SNAPC4: variants seen among roughly 807,000 people sequenced by gnomAD.
SNAPC4 encodes the protein small nuclear RNA activating complex polypeptide 4.
Under a neutral mutation model 151.3 loss-of-function variants are expected in SNAPC4, and 127 were observed. The observed-to-expected ratio is 0.84, with a 90% CI of 0.73 to 0.97. The LOEUF (loss-of-function observed/expected upper bound fraction) is 0.97, where lower values mean the gene tolerates loss of function less well. Among genes scored for constraint, SNAPC4 ranks in the 50% least tolerant of loss-of-function variants. SNAPC4 has a pLI of 0.00. For synonymous variants in SNAPC4, 1,002 were observed against 824.4 expected, an observed-to-expected ratio of 1.22 and a Z score of -3.69; for missense variants, 2,186 against 1,935.0, an observed-to-expected ratio of 1.13 and a Z score of -2.43.
At position 136,397,102 on chromosome 9, in the gene SNAPC4, G is replaced by C. The variant is rs1048865201; in HGVS notation, c.131-79C>G. On this transcript the variant is annotated intron_variant, in intron 2 of 23. Coordinates refer to ENST00000684778, the MANE Select transcript of SNAPC4 (RefSeq NM_003086.4). ...GGGGCGCAGCTCACCACTGCTTCTT[G>C]GGCAGACCTGGGGTTGTGAGGTAGT... The C allele has an allele frequency of 1.7e-5, 21 of 1,234,276 alleles. No homozygotes were observed. The African/African-American group carries it at 2.4e-4, about 14-fold the overall frequency. 76.5% of individuals were successfully genotyped at this position (1,234,276 alleles called of 1,614,324 possible). A position where few individuals can be genotyped will look rare whatever the true frequency, so the allele number is the denominator to read the frequency against.
intron 1 of SNAPC4, among the ~76,000 whole-genome samples, chr9:136,399,575 G>A (rs1374267538): frequency 6.6e-6 from 1 of 152,164 alleles, no homozygotes; most frequent in Non-Finnish European, 1.5e-5. Context: ...TGACATCAGG[G>A]GCTGTCCCTC....
chr9:136,394,976 C>T (rs1834211409), intron 5 of SNAPC4, 98 bp from the exon 6 acceptor site: 1 of 1,081,718 alleles, frequency 9.2e-7, no homozygotes, highest in African/African-American at 1.6e-5. Flanking sequence ...TCGGGCTCCC[C>T]CTGCCTCCTG....
At position 136,394,809 on chromosome 9, in the gene SNAPC4, C is replaced by T; in HGVS notation, c.541G>A (p.Val181Met). The stretch of plus-strand genomic sequence containing the variant: ...CGGCCAGGGCTCTTACATTTGGTCA[C>T]AAGGAGCTCCTCGAAAGCCTTGATC... ...QGIKAFEELL[V>M]TKWKNWEKAL... Residue 181 changes from valine (V) to methionine (M), a missense_variant, in exon 6 of 24, where the codon GTG becomes ATG. Transcript: ENST00000684778. The T allele has an allele frequency of 6.2e-7, 1 of 1,613,870 alleles. No individual in the cohort carries two copies.
chr9:136,380,662 G>T, intron 20 of SNAPC4, 78 bp downstream of exon 20: 1 of 802,982 alleles, frequency 1.2e-6, no homozygotes, highest in Non-Finnish European at 2.1e-6. Context: ...GGGGCGGGCA[G>T]CCAGCCTCCG....
At position 136,378,322 on chromosome 9, in the gene SNAPC4, C is replaced by T; in HGVS notation, c.3505G>A (p.Gly1169Ser). ...TCTCCAGGGACAAAGGCCACACTGC[C>T]ATCCGCTTCTGCAGGACTTTGGGAG... ...ALSQSPAEAD[G>S]SVAFVPGEAQ... The change falls in exon 22 of 24, where the codon GGC (glycine) becomes AGC (serine). Residue 1169 changes from glycine to serine, a missense_variant. By Grantham distance (56) the Gly-to-Ser change is moderately conservative. Coordinates refer to ENST00000684778, the MANE Select transcript of SNAPC4 (RefSeq NM_003086.4). The T allele has an allele frequency of 6.2e-7, 1 of 1,604,820 alleles. No homozygotes were observed. Among genetic ancestry groups the T allele is most frequent in the East Asian group, 2.2e-5 (1 of 44,658 alleles).
chr9:136,396,999 T>A lies in SNAPC4; in HGVS notation c.155A>T (p.Asp52Val). ...TACCGAGATCGGGGGATCGGCAGGATCCAAGTCCTCAGAAGGCAGTGAATC... is the reference window on the plus strand; with the variant it reads ...TACCGAGATCGGGGGATCGGCAGGAACCAAGTCCTCAGAAGGCAGTGAATC... ...EADSLPSEDL[D>V]PADPPISEEE... The change falls in exon 3 of 24, where the codon GAT becomes GTT. Residue 52 changes from aspartate (D) to valine (V), a missense_variant. Asp to Val is a radical substitution (Grantham distance 152, BLOSUM62 -3). Coordinates refer to ENST00000684778, the MANE Select transcript of SNAPC4 (RefSeq NM_003086.4). The A allele has an allele frequency of 6.2e-7, 1 of 1,612,734 alleles. No individual in the cohort carries two copies. Among genetic ancestry groups the A allele is most frequent in the South Asian group, 1.1e-5 (1 of 91,064 alleles).
chr9:136,393,898 T>C (rs973722140), intron 7 of SNAPC4, among the ~76,000 whole-genome samples: 1 of 152,218 alleles, frequency 6.6e-6, no homozygotes, highest in African/African-American at 2.4e-5. Flanking sequence ...AGCCTTGGCT[T>C]TTCCTGTTGG....
Position 136,384,708 on chromosome 9 carries a change from T to A in SNAPC4, c.1420+12A>T, listed in dbSNP as rs537424563. On this transcript the variant is annotated intron_variant, in intron 14 of 23. Coordinates refer to ENST00000684778, the MANE Select transcript of SNAPC4 (RefSeq NM_003086.4). Reference sequence around the variant, plus strand: ...AAAAAGAAACTAGAAGAACAAACTGTCAGCAACTTACCGACACCATATTTT... The same window carrying A: ...AAAAAGAAACTAGAAGAACAAACTGACAGCAACTTACCGACACCATATTTT... 3.1e-6 allele frequency: 4 copies of A among 1,301,588 alleles called. No homozygotes were observed. In the South Asian group the frequency reaches 5.1e-5, roughly 16 times the overall value. 80.6% of individuals were successfully genotyped at this position (1,301,588 alleles called of 1,614,324 possible). A position where few individuals can be genotyped will look rare whatever the true frequency, so the allele number is the denominator to read the frequency against.
At chr9:136,395,277 A>T in intron 5 of SNAPC4, 21 bp downstream of exon 5, 1 of 1,610,254 alleles carries the variant, frequency 6.2e-7, no homozygotes, top group Non-Finnish European at 8.5e-7. Flanking sequence ...TGCCGACAAG[A>T]GCAGGGCCTC....
At position 136,377,919 on chromosome 9, in the gene SNAPC4, T is replaced by TA; in HGVS notation, c.3907dup (p.Tyr1303LeufsTer36). 6.2e-7 allele frequency: 1 copy of TA among 1,610,004 alleles called. No individual in the cohort carries two copies. The highest frequency in any genetic ancestry group is 8.5e-7 in the Non-Finnish European group (1 of 1,179,080). ...CAGGCTGCACAGGGCTGGGGGCTGA[T>TA]AGGGCAGTCTGCTGCCCAGAAGAGG... On this transcript the variant is annotated frameshift_variant, in exon 22 of 24. Coordinates refer to ENST00000684778, the MANE Select transcript of SNAPC4 (RefSeq NM_003086.4). LOFTEE classifies it high-confidence loss of function.
chr9:136,397,322 T>G (rs1241808820), intron 2 of SNAPC4, among the ~76,000 whole-genome samples: 1 of 151,850 alleles, frequency 6.6e-6, no homozygotes, highest in Non-Finnish European at 1.5e-5. Context: ...ACAGGGAAAG[T>G]TTAGCAGAAA....
At chr9:136,396,932 G>A (rs1265893965) in intron 3 of SNAPC4, 45 bp downstream of exon 3, 4 of 1,567,230 alleles carry the variant, frequency 2.6e-6, no homozygotes, top group Non-Finnish European at 3.5e-6. Flanking sequence ...GGAAGGTGGT[G>A]GCAGGCCTGA....
At chr9:136,395,523 C>A (rs925148923) in intron 4 of SNAPC4, 80 bp downstream of exon 4, 9 of 1,566,752 alleles carry the variant, frequency 5.7e-6, no homozygotes, top group Non-Finnish European at 7.8e-6. Flanking sequence ...AGCTGGGGAG[C>A]CCTGGACCTG....
rs762483291 is a variant in SNAPC4 at position 136,377,728 on chromosome 9, G to A, written c.4099C>T (p.Arg1367Trp). Residue 1367 changes from arginine (R) to tryptophan (W), a missense_variant, in exon 22 of 24, where the codon CGG becomes TGG. Transcript: ENST00000684778. ...GGGAGGGTGAAGGCTGCCAGGAACC[G>A]CGCCCGCAACAGGAGGTAGGCCGGG... ...DNPAYLLLRA[R>W]FLAAFTLPAL... 34 of 1,609,308 alleles carry A rather than the reference G, an allele frequency of 2.1e-5. No homozygotes were observed. The highest frequency in any genetic ancestry group is 2.7e-5 in the Non-Finnish European group (32 of 1,177,658).
In SNAPC4 at chr9:136,376,257, A is replaced by G. The variant is rs116439167; in HGVS notation, c.*7+92T>C. 2.7e-6 allele frequency: 4 copies of G among 1,489,824 alleles called. No homozygotes were observed. In the East Asian group the frequency reaches 6.9e-5, roughly 26 times the overall value. The allele number at this position is 1,489,824 out of a possible 1,614,324, so 92.3% of individuals were successfully genotyped here. On this transcript the variant is annotated intron_variant, in intron 23 of 23. Coordinates refer to ENST00000684778, the MANE Select transcript of SNAPC4 (RefSeq NM_003086.4). ...ACCCAGCACACCTGCTGTGAGCGCC[A>G]AAGAGCCGAGCAGAGGCCAAGGCCC...
At chr9:136,391,608 G>A (rs12378717) in intron 10 of SNAPC4, among the ~76,000 whole-genome samples, 1 of 152,118 alleles carries the variant, frequency 6.6e-6, no homozygotes, top group Non-Finnish European at 1.5e-5. Flanking sequence ...AGGAAAAAGC[G>A]CTTTAGAAAC....
rs768556711 is a variant in SNAPC4, at chr9:136,377,952, AC to A, written c.3874del (p.Val1292CysfsTer115). 2 of 1,596,780 alleles carry A rather than the reference AC, an allele frequency of 1.3e-6. No individual in the cohort carries two copies. Among genetic ancestry groups the A allele is most frequent in the Non-Finnish European group, 1.7e-6 (2 of 1,172,492 alleles). On this transcript the variant is annotated frameshift_variant, in exon 22 of 24. Coordinates refer to ENST00000684778, the MANE Select transcript of SNAPC4 (RefSeq NM_003086.4). LOFTEE classifies it high-confidence loss of function. Reference sequence around the variant, plus strand: ...TCTGCTGCCCAGAAGAGGCACACGCACCCCCCGCTGGCCCCCCAGCCACTGC... The same window carrying A: ...TCTGCTGCCCAGAAGAGGCACACGCACCCCCGCTGGCCCCCCAGCCACTGC... ...TQQWLGGQRG[V>X]RVPLLGSRLP...
In SNAPC4 at chr9:136,382,300, C is replaced by T. The variant is rs748972906; in HGVS notation, c.2020G>A (p.Val674Met). 1.4e-5 allele frequency: 23 copies of T among 1,613,004 alleles called. No individual in the cohort carries two copies. Among genetic ancestry groups the T allele is most frequent in the African/African-American group, 1.1e-4 (8 of 74,940 alleles). Reference protein sequence around the residue: ...RRLLTVPVETVLRVLRANTAA... With the variant: ...RRLLTVPVETMLRVLRANTAA... ...GTGTTGGCCCTGAGCACCCTCAGCA[C>T]GGTCTCCACAGGCACTGTCAGCAGA... Residue 674 changes from valine to methionine, a missense_variant, in exon 17 of 24, where the codon GTG (valine) becomes ATG (methionine). Transcript: ENST00000684778.
At position 136,380,945 on chromosome 9, in the gene SNAPC4, T is replaced by C. The variant is rs568019721; in HGVS notation, c.2389-95A>G. 2.8e-4 allele frequency: 204 copies of C among 721,462 alleles called. 1 individual carries two copies. The East Asian group carries it at 4.8e-3, about 17-fold the overall frequency. The allele number at this position is 721,462 out of a possible 1,614,324, so 44.7% of individuals were successfully genotyped here. On this transcript the variant is annotated intron_variant, in intron 19 of 23. Coordinates refer to ENST00000684778, the MANE Select transcript of SNAPC4 (RefSeq NM_003086.4). ...GCAGAACCTGGGGCAGCCCTGAGGCTGGGGCGGCTACCTTGAGACCTCAGC... is the reference window on the plus strand; with the variant it reads ...GCAGAACCTGGGGCAGCCCTGAGGCCGGGGCGGCTACCTTGAGACCTCAGC...
Sources: allele counts gnomAD v4.1 joint callset (sites outside exome capture counted in the v4.1 genomes callset), GRCh38; gene constraint gnomAD v4.1.1; transcripts MANE v1.5; gene names NCBI Gene and HGNC (gene_info 2026-07-23, HGNC 2026-07-21).